Variants in RALYL observed in about 807,000 individuals in gnomAD.
RALYL encodes RALY RNA binding protein like.
RALYL carries 29 observed loss-of-function variants against 35.1 expected under a neutral mutation model. The ratio of observed to expected loss-of-function variants is 0.83; its 90% CI spans 0.61 to 1.13. The LOEUF (loss-of-function observed/expected upper bound fraction) is 1.13. Among genes scored for constraint, RALYL ranks in the 50% most tolerant of loss-of-function variants. RALYL has a pLI of 0.00. For missense variants in RALYL, 359 were observed against 360.4 expected (o/e 1.00, Z 0.03); for synonymous variants, 120 against 127.6 (o/e 0.94, Z 0.40).
At chr8:84,403,225 G>A (rs1332950026) in intron 1 of RALYL, among the ~76,000 whole-genome samples, 1 of 151,986 alleles carries the variant, frequency 6.6e-6, no homozygotes, top group Non-Finnish European at 1.5e-5. Context: ...TAGTTATGAA[G>A]TCTTTGCCCA....
rs550134481 is a variant in RALYL, at chr8:84,753,794, G to T, written c.257-20785G>T. On this transcript the variant is annotated intron_variant, in intron 2 of 8. Coordinates refer to ENST00000521268, the MANE Select transcript of RALYL (RefSeq NM_173848.7). ...TGCCCCCTGTACAGCCAATTAAACC[G>T]CTTTTCCTTATAAATTACCAAATGT... is the stretch of plus-strand genomic sequence containing the variant. 2.0e-5 allele frequency among the ~76,000 whole-genome samples: 3 copies of T among 152,034 alleles called. No individual in the cohort carries two copies. The East Asian group carries it at 5.8e-4, about 29-fold the overall frequency.
At chr8:84,648,552 C>A (rs1044507249) in intron 2 of RALYL, among the ~76,000 whole-genome samples, 1 of 151,862 alleles carries the variant, frequency 6.6e-6, no homozygotes, top group Non-Finnish European at 1.5e-5. Flanking sequence ...ATTTTTCACA[C>A]GGGTGAACTA....
At chr8:84,445,499 T>G (rs28521362) in intron 1 of RALYL, among the ~76,000 whole-genome samples, 4 of 151,910 alleles carry the variant, frequency 2.6e-5, no homozygotes, top group Non-Finnish European at 4.4e-5. Context: ...GTATTAAAAC[T>G]GTAGTACGTG....
chr8:84,820,267 A>G (rs1310467494), intron 4 of RALYL, among the ~76,000 whole-genome samples: 1 of 152,242 alleles, frequency 6.6e-6, no homozygotes, highest in Non-Finnish European at 1.5e-5. Flanking sequence ...TTTAAAATCT[A>G]TGAAGGATTT....
intron 1 of RALYL, among the ~76,000 whole-genome samples, chr8:84,452,210 A>C (rs138889230): frequency 6.7e-6 from 1 of 149,284 alleles, no homozygotes; most frequent in Non-Finnish European, 1.5e-5. Flanking sequence ...TCAGGGTGAC[A>C]GCTTGGTTTG....
chr8:84,244,432 C>G (rs1461447445), intron 1 of RALYL, among the ~76,000 whole-genome samples: 20 of 152,180 alleles, frequency 1.3e-4, no homozygotes, highest in Admixed American at 1.3e-3. Flanking sequence ...CTGAATACAT[C>G]ACCAAAGTTT....
rs796469384 is a variant in RALYL at position 84,230,171 on chromosome 8, T to G, written c.-24+45747T>G. The stretch of plus-strand genomic sequence containing the variant: ...GACTGTATATAAGTATAGAAATAGC[T>G]TCAAATTCCTGATTTCTAAAAATAT... On this transcript the variant is annotated intron_variant, in intron 1 of 8. Transcript: ENST00000521268. 3.3e-5 allele frequency among the ~76,000 whole-genome samples: 5 copies of G among 152,244 alleles called. No homozygotes were observed. In the South Asian group the frequency reaches 8.3e-4, roughly 25 times the overall value.
intron 2 of RALYL, among the ~76,000 whole-genome samples, chr8:84,594,203 AT>A (rs1195877871): frequency 6.6e-6 from 1 of 152,092 alleles, no homozygotes; most frequent in African/African-American, 2.4e-5. Context: ...AAGCATTAAC[AT>A]CTCTGAAATA....
intron 2 of RALYL, among the ~76,000 whole-genome samples, chr8:84,764,522 A>G (rs533907757): frequency 2.0e-4 from 31 of 152,304 alleles, no homozygotes; most frequent in African/African-American, 6.5e-4. Context: ...GTCACATACA[A>G]TGATCAAGCT....
At chr8:84,569,319 T>G (rs554447533) in intron 2 of RALYL, among the ~76,000 whole-genome samples, 43 of 151,950 alleles carry the variant, frequency 2.8e-4, no homozygotes, top group Non-Finnish European at 4.4e-4. Context: ...TTTCCCCATT[T>G]CTTGTTTTTC....
chr8:84,873,091 C>T (rs1840516134), intron 6 of RALYL, 193 bp from the exon 7 acceptor site: 2 of 428,632 alleles, frequency 4.7e-6, no homozygotes, highest in South Asian at 1.5e-4. Flanking sequence ...CACTGAGAAT[C>T]CGTATTTGTA....
chr8:84,561,210 G>A (rs1044016062), intron 2 of RALYL, among the ~76,000 whole-genome samples: 13 of 152,004 alleles, frequency 8.6e-5, no homozygotes, highest in Admixed American at 1.3e-4. Context: ...GCAATTTTAT[G>A]AGTGAAATAA....
chr8:84,542,719 C>G (rs2060101279), intron 2 of RALYL, among the ~76,000 whole-genome samples: 1 of 152,046 alleles, frequency 6.6e-6, no homozygotes, highest in Non-Finnish European at 1.5e-5. Flanking sequence ...TATTAATTAC[C>G]CAGTCTTGGA....
intron 2 of RALYL, 25 bp from the exon 3 acceptor site, chr8:84,774,554 G>A (rs754714805): frequency 2.0e-6 from 3 of 1,482,754 alleles, no homozygotes; most frequent in Non-Finnish European, 2.8e-6. Context: ...TTCTTAATCA[G>A]TACTGTTTTA....
intron 1 of RALYL, among the ~76,000 whole-genome samples, chr8:84,490,239 A>T (rs1383554035): frequency 6.6e-6 from 1 of 151,710 alleles, no homozygotes; most frequent in Admixed American, 6.6e-5. Context: ...CCATTAAAAA[A>T]TTTTCTAAAT....
At chr8:84,419,462 T>C in intron 1 of RALYL, among the ~76,000 whole-genome samples, 1 of 152,158 alleles carries the variant, frequency 6.6e-6, no homozygotes, top group Non-Finnish European at 1.5e-5. Flanking sequence ...TCCCTAAAAC[T>C]TGTCTTCATC....
chr8:84,670,424 T>A (rs781597492), intron 2 of RALYL, among the ~76,000 whole-genome samples: 5 of 152,202 alleles, frequency 3.3e-5, no homozygotes, highest in Non-Finnish European at 7.3e-5. Context: ...AACAAAGTGA[T>A]GATTATAAAA....
chr8:84,354,953 G>T (rs1851547798), intron 1 of RALYL, among the ~76,000 whole-genome samples: 1 of 150,066 alleles, frequency 6.7e-6, no homozygotes, highest in South Asian at 2.1e-4. Flanking sequence ...CTGCATTTTT[G>T]TCAGCATACC....
intron 1 of RALYL, among the ~76,000 whole-genome samples, chr8:84,403,376 T>C (rs894073841): frequency 1.3e-5 from 2 of 152,130 alleles, no homozygotes; most frequent in Non-Finnish European, 2.9e-5. Context: ...TTTCTACATA[T>C]GGCTAGCCAG....
Sources: allele counts gnomAD v4.1 joint callset (sites outside exome capture counted in the v4.1 genomes callset), GRCh38; gene constraint gnomAD v4.1.1; transcripts MANE v1.5; gene names NCBI Gene and HGNC (gene_info 2026-07-23, HGNC 2026-07-21).